The following TMEM192 variants were observed in gnomAD, a reference collection of about 807,000 sequenced individuals.
TMEM192 encodes transmembrane protein 192.
TMEM192 carries 20 observed loss-of-function variants against 26.7 expected under a neutral mutation model. That is an observed-to-expected ratio of 0.75 (90% CI 0.53 to 1.09). The LOEUF (loss-of-function observed/expected upper bound fraction) is 1.09. Among genes scored for constraint, TMEM192 ranks in the 50% least tolerant of loss-of-function variants. The pLI, the probability that TMEM192 is intolerant of heterozygous loss-of-function variation, is 0.00. For missense variants in TMEM192, 304 were observed against 322.6 expected, an observed-to-expected ratio of 0.94 and a Z score of 0.44; for synonymous variants, 124 against 121.0, an observed-to-expected ratio of 1.02 and a Z score of -0.16.
intron 1 of TMEM192, among the ~76,000 whole-genome samples, chr4:165,105,170 T>A (rs1419535863): frequency 1.3e-5 from 2 of 152,178 alleles, no homozygotes; most frequent in African/African-American, 4.8e-5. Flanking sequence ...ATTGGACCCA[T>A]TACCTTTACA....
chr4:165,110,370 T>C (rs1341705739), intron 1 of TMEM192, among the ~76,000 whole-genome samples: 1 of 152,010 alleles, frequency 6.6e-6, no homozygotes, highest in Non-Finnish European at 1.5e-5. Flanking sequence ...GCTCTAGGAG[T>C]GGTCATGGAA....
At chr4:165,086,611 G>T (rs1171005132) in intron 4 of TMEM192, among the ~76,000 whole-genome samples, 1 of 151,978 alleles carries the variant, frequency 6.6e-6, no homozygotes, top group Non-Finnish European at 1.5e-5. Context: ...TTTCAGTAGA[G>T]ACGGTGTTTC....
chr4:165,088,486 A>C lies in TMEM192; in HGVS notation c.556T>G (p.Cys186Gly). Residue 186 changes from cysteine (C) to glycine (G), a missense_variant, in exon 4 of 6, where the codon TGT becomes GGT. Physicochemically the swap from Cys to Gly is radical, Grantham distance 159. Coordinates refer to ENST00000306480, the MANE Select transcript of TMEM192 (RefSeq NM_001100389.2). ...TTCTCACCTGTGTAAATGAGGAGACATATCAGGGAACAGATGAGTTCCAGT... is the reference window on the plus strand; with the variant it reads ...TTCTCACCTGTGTAAATGAGGAGACCTATCAGGGAACAGATGAGTTCCAGT... Reference protein sequence around the residue: ...LALELICSLICLLIYTVKIRR... With the variant: ...LALELICSLIGLLIYTVKIRR... 3 of 1,613,636 alleles carry C rather than the reference A, an allele frequency of 1.9e-6. No homozygotes were observed. The highest frequency in any genetic ancestry group is 2.5e-6 in the Non-Finnish European group (3 of 1,179,852).
chr4:165,094,066 A>AT (rs751682976), intron 3 of TMEM192, among the ~76,000 whole-genome samples: 2 of 151,916 alleles, frequency 1.3e-5, no homozygotes, highest in Admixed American at 6.6e-5. Flanking sequence ...TGCCTGGCTA[A>AT]TTTTTTGTAT....
Position 165,100,726 on chromosome 4 carries a change from A to G in TMEM192, c.341T>C (p.Ile114Thr), listed in dbSNP as rs1292565775. Residue 114 changes from isoleucine (I) to threonine (T), a missense_variant, in exon 3 of 6, where the codon ATC (isoleucine) becomes ACC (threonine). Ile to Thr is a moderately conservative substitution (Grantham distance 89, BLOSUM62 -1). Coordinates refer to ENST00000306480, the MANE Select transcript of TMEM192 (RefSeq NM_001100389.2). ...TCTGATTTTGCTGTGGTGATACTGG[A>G]TGTAGCATTCAAGGAGTAAATGGAG... ...WILHLLLECY[I>T]QYHHSKIRNR... 1.2e-6 allele frequency: 2 copies of G among 1,614,084 alleles called. No individual in the cohort carries two copies. Among genetic ancestry groups the G allele is most frequent in the East Asian group, 4.5e-5 (2 of 44,858 alleles).
At position 165,079,022 on chromosome 4, in the gene TMEM192, A is replaced by G. The variant is rs1049676861; in HGVS notation, c.*636T>C. ...TAGCCAGGATGGTCTCAATTTCCTG[A>G]CCTCATGATCCGCCGTGCCCAGCCC... is the stretch of plus-strand genomic sequence containing the variant. On this transcript the variant is annotated 3_prime_UTR_variant, in exon 6 of 6. Coordinates refer to ENST00000306480, the MANE Select transcript of TMEM192 (RefSeq NM_001100389.2). The G allele has an allele frequency of 2.0e-5, 3 of 152,136 alleles. No individual in the cohort carries two copies. Among genetic ancestry groups the G allele is most frequent in the African/African-American group, 7.2e-5 (3 of 41,416 alleles). The allele number at this position is 152,136 out of a possible 1,614,324, so 9.4% of individuals were successfully genotyped here.
intron 3 of TMEM192, among the ~76,000 whole-genome samples, chr4:165,098,444 A>T (rs1165506632): frequency 1.3e-5 from 2 of 149,552 alleles, no homozygotes; most frequent in African/African-American, 4.9e-5. Context: ...TTTTTTTAAA[A>T]CTTAACTTGG....
chr4:165,076,061 G>T lies in TMEM192; in HGVS notation c.*3597C>A, dbSNP rs1014517470. On this transcript the variant is annotated 3_prime_UTR_variant, in exon 6 of 6. Coordinates refer to ENST00000306480, the MANE Select transcript of TMEM192 (RefSeq NM_001100389.2). ...AACAAAACAAAAAAAGTGTACATTG[G>T]TATAATCCCTTGGTAGTGAGATTTC... 6.6e-6 allele frequency: 1 copy of T among 151,552 alleles called. No homozygotes were observed. The highest frequency in any genetic ancestry group is 1.5e-5 in the Non-Finnish European group (1 of 67,924). 9.4% of individuals were successfully genotyped at this position (151,552 alleles called of 1,614,324 possible).
intron 1 of TMEM192, chr4:165,111,547 A>G (rs1255521389): frequency 6.6e-6 from 1 of 152,132 alleles, no homozygotes; most frequent in Admixed American, 6.6e-5. Context: ...CCTCTTACAT[A>G]TTCGGTTTTT....
At chr4:165,082,491 A>G (rs1281384846) in intron 5 of TMEM192, among the ~76,000 whole-genome samples, 1 of 39,196 alleles carries the variant, frequency 2.6e-5, no homozygotes, top group Non-Finnish European at 9.6e-5. Context: ...TCTGTAGCCC[A>G]CACATTTTCA....
intron 2 of TMEM192, among the ~76,000 whole-genome samples, chr4:165,101,311 G>A (rs17045963): frequency 0.33 from 49,627 of 151,896 alleles, 9,876 homozygotes; most frequent in African/African-American, 0.57. Flanking sequence ...AGCTTCCCCT[G>A]TCCTATTTTT....
At chr4:165,084,534 G>A (rs79027385) in intron 5 of TMEM192, among the ~76,000 whole-genome samples, 1,647 of 151,784 alleles carry the variant, frequency 0.011, 7 homozygotes, top group South Asian at 0.034. Context: ...ATATTCTTAT[G>A]TCTGTTGCTA....
intron 4 of TMEM192, 56 bp from the exon 5 acceptor site, chr4:165,085,744 T>A: frequency 7.6e-7 from 1 of 1,312,986 alleles, no homozygotes; most frequent in Non-Finnish European, 1.1e-6. Context: ...CTAGTTTCAT[T>A]TTTTCAAATT....
In TMEM192 at chr4:165,112,768, C is replaced by G; in HGVS notation, c.6G>C (p.Ala2=). M[A]AGGRMEDGSL... ...TCACGTCCTCCATCCTGCCCCCCGC[C>G]GCCATTTCCCGACGCCGGAGGCCGA... The change falls in exon 1 of 6, where the codon GCG becomes GCC. Residue 2 remains alanine (A), a synonymous_variant. Coordinates refer to ENST00000306480, the MANE Select transcript of TMEM192 (RefSeq NM_001100389.2). 6.2e-7 allele frequency: 1 copy of G among 1,607,960 alleles called. No individual in the cohort carries two copies. The highest frequency in any genetic ancestry group is 8.5e-7 in the Non-Finnish European group (1 of 1,178,986).
At chr4:165,090,277 A>C (rs1734728445) in intron 3 of TMEM192, among the ~76,000 whole-genome samples, 1 of 147,240 alleles carries the variant, frequency 6.8e-6, no homozygotes, top group African/African-American at 2.5e-5. Context: ...CAGTCACTTG[A>C]GAGTTTGAGG....
At position 165,079,934 on chromosome 4, in the gene TMEM192, T is replaced by C. The variant is rs114703118; in HGVS notation, c.678-138A>G. On this transcript the variant is annotated intron_variant, in intron 5 of 5. Coordinates refer to ENST00000306480, the MANE Select transcript of TMEM192 (RefSeq NM_001100389.2). ...TCTTAGATGTCAGAAGCCAGGGTAA[T>C]ATTGCCAAATAAGATTATTTTCATA... The C allele has an allele frequency of 7.2e-3, 4,615 of 641,556 alleles. 156 individuals are homozygous for C. In the African/African-American group the frequency reaches 0.076, roughly 11 times the overall value. The allele number at this position is 641,556 out of a possible 1,614,324, so 39.7% of individuals were successfully genotyped here.
At chr4:165,091,184 C>T (rs1428681059) in intron 3 of TMEM192, among the ~76,000 whole-genome samples, 1 of 151,920 alleles carries the variant, frequency 6.6e-6, no homozygotes, top group Non-Finnish European at 1.5e-5. Flanking sequence ...GGAGAATGGC[C>T]TGAAACCCGG....
At chr4:165,097,493 C>CAAAAAAAAAA (rs60822491) in intron 3 of TMEM192, among the ~76,000 whole-genome samples, 4 of 58,966 alleles carry the variant, frequency 6.8e-5, no homozygotes, top group African/African-American at 1.2e-4. Context: ...GACTCCATCT[C>CAAAAAAAAAA]AAAAAAAAAA....
chr4:165,103,518 T>TTTTG (rs1017493445), intron 1 of TMEM192, among the ~76,000 whole-genome samples: 1 of 141,316 alleles, frequency 7.1e-6, no homozygotes, highest in African/African-American at 2.6e-5. Context: ...CTAATTTTTT[T>TTTTG]TTTTTTTTTT....
Sources: allele counts gnomAD v4.1 joint callset (sites outside exome capture counted in the v4.1 genomes callset), GRCh38; gene constraint gnomAD v4.1.1; transcripts MANE v1.5; gene names NCBI Gene and HGNC (gene_info 2026-07-23, HGNC 2026-07-21).